SNAP23: variants seen among roughly 807,000 people sequenced by gnomAD.
SNAP23 encodes synaptosomal-associated protein 23.
SNAP23 carries 11 observed loss-of-function variants against 29.0 expected under a neutral mutation model. The ratio of observed to expected loss-of-function variants is 0.38; its 90% CI spans 0.24 to 0.63. The LOEUF (loss-of-function observed/expected upper bound fraction) is 0.63, where lower values mean the gene tolerates loss of function less well. Ranked by LOEUF, SNAP23 falls within the 20% of genes least tolerant of loss-of-function variation. The pLI, the probability that SNAP23 is intolerant of heterozygous loss-of-function variation, is 0.58. For missense variants in SNAP23, 220 were observed against 253.9 expected, an observed-to-expected ratio of 0.87 and a Z score of 0.91; for synonymous variants, 60 against 82.9, an observed-to-expected ratio of 0.72 and a Z score of 1.50.
Position 42,531,522 on chromosome 15 carries a change from CCTCCT to C in SNAP23, c.*45_*49del, listed in dbSNP as rs781305757. On this transcript the variant is annotated 3_prime_UTR_variant, in exon 8 of 8. Coordinates refer to ENST00000249647, the MANE Select transcript of SNAP23 (RefSeq NM_003825.4). ...TTATCATTTATTCACTTCCGTAGCT[CCTCCT>C]TGAAAGTTATTACCTTTTCAGAGTT... 2 of 1,453,754 alleles carry C rather than the reference CCTCCT, an allele frequency of 1.4e-6. No homozygotes were observed. Among genetic ancestry groups the C allele is most frequent in the South Asian group, 2.4e-5 (2 of 82,544 alleles). 90.1% of individuals were successfully genotyped at this position (1,453,754 alleles called of 1,614,324 possible).
chr15:42,508,340 G>A lies in SNAP23; in HGVS notation c.-14-3493G>A, dbSNP rs905824321. ...TGCAAAACTCCCGTCTACAGAGGGCGGACTTTTATATCTGCAGGTTCCTCA... is the reference window on the plus strand; with the variant it reads ...TGCAAAACTCCCGTCTACAGAGGGCAGACTTTTATATCTGCAGGTTCCTCA... On this transcript the variant is annotated intron_variant, in intron 1 of 7. Coordinates refer to ENST00000249647, the MANE Select transcript of SNAP23 (RefSeq NM_003825.4). Among the ~76,000 whole-genome samples the A allele has an allele frequency of 1.9e-4, 29 of 151,992 alleles. 1 individual carries two copies. The highest frequency in any genetic ancestry group is 6.3e-4 in the African/African-American group (26 of 41,376).
chr15:42,528,117 G>A (rs1595531236), intron 5 of SNAP23, 145 bp from the exon 6 acceptor site: 1 of 629,600 alleles, frequency 1.6e-6, no homozygotes, highest in East Asian at 2.7e-5. Context: ...TTGCCATGGA[G>A]CATAGTGTAG....
intron 2 of SNAP23, 23 bp from the exon 3 acceptor site, chr15:42,512,932 T>TA (rs1379486577): frequency 1.3e-6 from 2 of 1,594,920 alleles, no homozygotes; most frequent in African/African-American, 1.3e-5. Context: ...TTTGGAATGC[T>TA]AAAATTCTGT....
intron 1 of SNAP23, among the ~76,000 whole-genome samples, chr15:42,504,650 T>A (rs1328596858): frequency 6.9e-6 from 1 of 144,292 alleles, no homozygotes; most frequent in Non-Finnish European, 1.5e-5. Context: ...GTAGATCATC[T>A]CTTTTTAATC....
intron 6 of SNAP23, among the ~76,000 whole-genome samples, chr15:42,529,220 G>T (rs1300046908): frequency 2.0e-5 from 3 of 152,180 alleles, no homozygotes; most frequent in African/African-American, 7.2e-5. Context: ...TCATATGGTG[G>T]CCAGATTTGG....
At chr15:42,518,910 T>G (rs1224115848) in intron 5 of SNAP23, among the ~76,000 whole-genome samples, 1 of 152,112 alleles carries the variant, frequency 6.6e-6, no homozygotes, top group Non-Finnish European at 1.5e-5. Flanking sequence ...TCACCCAGGT[T>G]GGAGTACAGT....
intron 5 of SNAP23, among the ~76,000 whole-genome samples, chr15:42,515,923 A>T (rs1178775494): frequency 6.6e-6 from 1 of 152,192 alleles, no homozygotes; most frequent in African/African-American, 2.4e-5. Flanking sequence ...TTGAGTGATA[A>T]GAAGGATTTG....
chr15:42,522,539 T>C (rs1316854864), intron 5 of SNAP23, among the ~76,000 whole-genome samples: 1 of 152,032 alleles, frequency 6.6e-6, no homozygotes, highest in Non-Finnish European at 1.5e-5. Context: ...GCCCTCCTTT[T>C]TTCTTCTTTT....
Position 42,531,460 on chromosome 15 carries a change from G to C in SNAP23, c.618G>C (p.Lys206Asn), listed in dbSNP as rs2141565051. Residue 206 changes from lysine (K) to asparagine (N), a missense_variant, in exon 8 of 8, where the codon AAG (lysine) becomes AAC (asparagine). Transcript: ENST00000249647. ...TTGATATTGCCAATGCCAGAGCAAA[G>C]AAACTCATTGACAGCTAAAGCTACT... The part of the protein sequence containing the change: ...DRIDIANARA[K>N]KLIDS The C allele has an allele frequency of 6.2e-7, 1 of 1,600,506 alleles. No individual in the cohort carries two copies. Among genetic ancestry groups the C allele is most frequent in the Middle Eastern group, 1.9e-4 (1 of 5,170 alleles).
chr15:42,513,225 A>G, intron 3 of SNAP23, 174 bp from the exon 4 acceptor site: 3 of 754,672 alleles, frequency 4.0e-6, no homozygotes, highest in South Asian at 1.5e-5. Flanking sequence ...TGACTTAATT[A>G]TTTTGGGGGC....
upstream of SNAP23, chr15:42,493,078 A>G (rs1279070974): frequency 2.6e-5 from 4 of 152,242 alleles, no homozygotes; most frequent in Non-Finnish European, 5.9e-5. Flanking sequence ...GCAGTGGCTC[A>G]CACATGTAAT....
At chr15:42,512,135 A>G (rs903715015) in intron 2 of SNAP23, 3 of 282,652 alleles carry the variant, frequency 1.1e-5, no homozygotes, top group African/African-American at 2.2e-5. Context: ...ATATTACTTA[A>G]GTGTAACAAA....
At chr15:42,494,148 T>G (rs577112648), upstream of SNAP23, among the ~76,000 whole-genome samples, 26 of 152,132 alleles carry the variant, frequency 1.7e-4, no homozygotes, top group African/African-American at 6.3e-4. Context: ...AAAATCTTGA[T>G]CCTTCATCAT....
At position 42,522,716 on chromosome 15, in the gene SNAP23, T is replaced by TA. The variant is rs10553237; in HGVS notation, c.267-5526dup. On this transcript the variant is annotated intron_variant, in intron 5 of 7. Coordinates refer to ENST00000249647, the MANE Select transcript of SNAP23 (RefSeq NM_003825.4). ...AAACTAATATTGATGCAACCAAAAC[T>TA]AAAAAAAAAAAAAAAAAAAAGAAAT... 6.6e-3 allele frequency among the ~76,000 whole-genome samples: 694 copies of TA among 104,858 alleles called. 5 individuals carry two copies. The highest frequency in any genetic ancestry group is 0.017 in the Middle Eastern group (3 of 178). 68.8% of individuals were successfully genotyped at this position (104,858 alleles called of 152,430 possible). A position where few individuals can be genotyped will look rare whatever the true frequency, so the allele number is the denominator to read the frequency against.
At chr15:42,521,937 A>C (rs774842734) in intron 5 of SNAP23, 1 of 328,102 alleles carries the variant, frequency 3.0e-6, no homozygotes, top group Non-Finnish European at 5.5e-6. Flanking sequence ...CCAAAATAAC[A>C]ATACTCCTGG....
At chr15:42,494,163 C>T (rs1409839938), upstream of SNAP23, among the ~76,000 whole-genome samples, 1 of 151,954 alleles carries the variant, frequency 6.6e-6, no homozygotes, top group Non-Finnish European at 1.5e-5. Context: ...CATCATTCTC[C>T]CTCCTTCCTC....
At chr15:42,491,691 A>G (rs192905883), upstream of SNAP23, 10 of 152,350 alleles carry the variant, frequency 6.6e-5, no homozygotes, top group East Asian at 1.9e-3. Context: ...AATGCTGCCT[A>G]TCACAGAGCA....
intron 1 of SNAP23, among the ~76,000 whole-genome samples, chr15:42,504,735 G>A (rs1338568402): frequency 1.3e-5 from 2 of 152,182 alleles, no homozygotes; most frequent in Non-Finnish European, 2.9e-5. Flanking sequence ...TTTTAGTGGT[G>A]TTAGGTAATT....
In SNAP23 at chr15:42,511,570, T is replaced by C. The variant is rs1359199616; in HGVS notation, c.-14-263T>C. ...GCTTCTCTAAGTAGAGGATCCACTT[T>C]CCTGTTGGAAAGAGTACTTCCCTAG... On this transcript the variant is annotated intron_variant, in intron 1 of 7. Coordinates refer to ENST00000249647, the MANE Select transcript of SNAP23 (RefSeq NM_003825.4). Among the ~76,000 whole-genome samples, 4 of 152,222 alleles carry C rather than the reference T, an allele frequency of 2.6e-5. 1 individual carries two copies.
Sources: allele counts gnomAD v4.1 joint callset (sites outside exome capture counted in the v4.1 genomes callset), GRCh38; gene constraint gnomAD v4.1.1; transcripts MANE v1.5; gene names NCBI Gene and HGNC (gene_info 2026-07-23, HGNC 2026-07-21).